FRMD8: variants seen among roughly 807,000 people sequenced by gnomAD.
FRMD8 encodes FERM domain containing 8.
In FRMD8, 37 loss-of-function variants were observed where a neutral mutation model predicts 54.2. That is an observed-to-expected ratio of 0.68 (90% CI 0.53 to 0.90). FRMD8 has a LOEUF of 0.90. FRMD8 is among the 40% of genes least tolerant of loss of function. The pLI is 0.00. For missense variants in FRMD8, 585 were observed against 653.7 expected (o/e 0.89, Z 1.15); for synonymous variants, 246 against 286.9 (o/e 0.86, Z 1.44).
chr11:65,377,877 G>C, the FRMD8 span: 11 of 152,390 alleles, frequency 7.2e-5, no homozygotes, highest in Admixed American at 5.2e-4. Context: ...TGTCTCTGAG[G>C]GATTTATCTG....
chr11:65,413,396 C>G lies in FRMD8; in HGVS notation c.*2036C>G, dbSNP rs565759299. The G allele has an allele frequency of 2.6e-5, 4 of 152,154 alleles. No homozygotes were observed. The highest frequency in any genetic ancestry group is 1.9e-4 in the East Asian group (1 of 5,188). 9.4% of individuals were successfully genotyped at this position (152,154 alleles called of 1,614,324 possible). A position where few individuals can be genotyped will look rare whatever the true frequency, so the allele number is the denominator to read the frequency against. ...GATGTGTTTTCCCTTCAGCTTCTTACGTTTTCTGAGCATCCATTGTGCCTT... is the reference window on the plus strand; with the variant it reads ...GATGTGTTTTCCCTTCAGCTTCTTAGGTTTTCTGAGCATCCATTGTGCCTT... On this transcript the variant is annotated 3_prime_UTR_variant, in exon 11 of 11. Transcript: ENST00000317568.
At chr11:65,408,141 A>T (rs1856247962) in intron 10 of FRMD8, among the ~76,000 whole-genome samples, 1 of 148,738 alleles carries the variant, frequency 6.7e-6, no homozygotes. Context: ...ATGGTGCGAT[A>T]TCGGCTCACC....
At chr11:65,376,975 G>C in the FRMD8 span, 1 of 1,613,344 alleles carries the variant, frequency 6.2e-7, no homozygotes, top group Non-Finnish European at 8.5e-7. Flanking sequence ...CACAGTGCAC[G>C]GGCCCCTGGT....
At chr11:65,384,979 G>C (rs1855707855), upstream of FRMD8, among the ~76,000 whole-genome samples, 1 of 152,270 alleles carries the variant, frequency 6.6e-6, no homozygotes, top group African/African-American at 2.4e-5. Context: ...CCAAAGTGCT[G>C]TGGTTTTAAA....
At chr11:65,369,296 C>T in the FRMD8 span, among the ~76,000 whole-genome samples, 1 of 151,878 alleles carries the variant, frequency 6.6e-6, no homozygotes, top group Non-Finnish European at 1.5e-5. Flanking sequence ...AGGCAGAGGG[C>T]ATGTGCGGCT....
intron 6 of FRMD8, among the ~76,000 whole-genome samples, chr11:65,396,400 G>A (rs1855955104): frequency 6.6e-6 from 1 of 152,178 alleles, no homozygotes; most frequent in Admixed American, 6.5e-5. Flanking sequence ...ACAGCCCCAG[G>A]TGGGCCTCAT....
At chr11:65,371,111 G>A in the FRMD8 span, among the ~76,000 whole-genome samples, 1 of 152,160 alleles carries the variant, frequency 6.6e-6, no homozygotes, top group African/African-American at 2.4e-5. Flanking sequence ...GCACTCAGGA[G>A]CCTGAGCAGG....
the FRMD8 span, chr11:65,379,608 C>T: frequency 5.2e-6 from 8 of 1,541,270 alleles, no homozygotes; most frequent in East Asian, 1.1e-4. Flanking sequence ...TGGGGCCTCC[C>T]CTTTGTCCTC....
chr11:65,388,558 C>T (rs549634533), intron 2 of FRMD8, among the ~76,000 whole-genome samples: 4 of 152,274 alleles, frequency 2.6e-5, no homozygotes, highest in African/African-American at 9.6e-5. Context: ...CCGAGTATGT[C>T]GGCCCCAAAC....
At chr11:65,394,164 G>C in intron 5 of FRMD8, 65 bp downstream of exon 5, 1 of 1,605,344 alleles carries the variant, frequency 6.2e-7, no homozygotes, top group Non-Finnish European at 8.5e-7. Context: ...CCTGTCCCTA[G>C]ACCCCTGGAC....
rs921843586 is a variant in FRMD8 at position 65,404,309 on chromosome 11, A to G, written c.1072-555A>G. On this transcript the variant is annotated intron_variant, in intron 9 of 10. Transcript: ENST00000317568. This position sits in a 1 kb window ranked among gnomAD's most constrained non-coding sequence, Gnocchi z 4.7. ...CTCTGCGACTCCCTCAAACCCCTGA[A>G]GGCCCTGTCCTTGGTGCCCAGCTGT... Among the ~76,000 whole-genome samples the G allele has an allele frequency of 2.0e-5, 3 of 152,160 alleles. No homozygotes were observed. Among genetic ancestry groups the G allele is most frequent in the Admixed American group, 2.0e-4 (3 of 15,278 alleles).
In FRMD8 at chr11:65,403,671, A is replaced by G. The variant is rs1184212453; in HGVS notation, c.1072-1193A>G. On this transcript the variant is annotated intron_variant, in intron 9 of 10. Coordinates refer to ENST00000317568, the MANE Select transcript of FRMD8 (RefSeq NM_031904.5). ...GAGAGAGAACATTGTCTTTCACTGA[A>G]TAAGTGGGATTTTGCTGTGGGTTCT... is the stretch of plus-strand genomic sequence containing the variant. 2.0e-5 allele frequency among the ~76,000 whole-genome samples: 3 copies of G among 152,214 alleles called. No individual in the cohort carries two copies. In the East Asian group the frequency reaches 5.8e-4, roughly 29 times the overall value.
In FRMD8 at chr11:65,412,258, C is replaced by T. The variant is rs544911458; in HGVS notation, c.*898C>T. On this transcript the variant is annotated 3_prime_UTR_variant, in exon 11 of 11. Transcript: ENST00000317568. ...AGGGGACTGACCGGACCTGACCTCCCCTCCCTGTGTCTGGGTCTTCAGGTT... is the reference window on the plus strand; with the variant it reads ...AGGGGACTGACCGGACCTGACCTCCTCTCCCTGTGTCTGGGTCTTCAGGTT... 2.0e-5 allele frequency: 3 copies of T among 152,480 alleles called. No homozygotes were observed. The East Asian group carries it at 5.8e-4, about 29-fold the overall frequency. 9.4% of individuals were successfully genotyped at this position (152,480 alleles called of 1,614,324 possible).
chr11:65,401,078 C>T lies in FRMD8; in HGVS notation c.1071+211C>T, dbSNP rs550140817. On this transcript the variant is annotated intron_variant, in intron 9 of 10. Transcript: ENST00000317568. Reference sequence around the variant, plus strand: ...GGAGGCCTGGTCTGCAGACTCCACGCCGGTGGTGGTGGCAGCTGTGGGGTT... The same window carrying T: ...GGAGGCCTGGTCTGCAGACTCCACGTCGGTGGTGGTGGCAGCTGTGGGGTT... Among the ~76,000 whole-genome samples the T allele has an allele frequency of 2.6e-5, 4 of 152,194 alleles. No individual in the cohort carries two copies. The East Asian group carries it at 7.7e-4, about 29-fold the overall frequency.
At chr11:65,370,317 A>G in the FRMD8 span, among the ~76,000 whole-genome samples, 1 of 151,626 alleles carries the variant, frequency 6.6e-6, no homozygotes, top group Non-Finnish European at 1.5e-5. Context: ...CAAGCCTTGC[A>G]GGCTGCGGGA....
chr11:65,395,559 T>C (rs776271857), intron 6 of FRMD8, among the ~76,000 whole-genome samples: 15 of 151,984 alleles, frequency 9.9e-5, no homozygotes, highest in Non-Finnish European at 2.1e-4. Context: ...AAAAAAGGAC[T>C]GAGCGCTCCA....
chr11:65,401,348 C>T (rs1359894893), intron 9 of FRMD8, among the ~76,000 whole-genome samples: 7 of 122,438 alleles, frequency 5.7e-5, no homozygotes, highest in African/African-American at 2.3e-4. Flanking sequence ...CCTCCCCTGC[C>T]TCCCTCCCCT....
upstream of FRMD8, chr11:65,381,955 C>A: frequency 6.2e-7 from 1 of 1,614,098 alleles, no homozygotes. Context: ...CCGGCATTGT[C>A]TGGGCTTGCG....
At chr11:65,380,976 G>A in the FRMD8 span, 16 of 173,632 alleles carry the variant, frequency 9.2e-5, no homozygotes, top group Non-Finnish European at 1.6e-4. Flanking sequence ...CAAGGTATAG[G>A]GTGCTCACCT....
Sources: gnomAD v4.1 joint callset for allele counts (sites outside exome capture counted in the v4.1 genomes callset) on GRCh38, gnomAD v4.1.1 for gene constraint, Gnocchi (gnomAD v3.1) non-coding constraint, MANE v1.5 for transcripts, NCBI Gene and HGNC (gene_info 2026-07-23, HGNC 2026-07-21) for gene names.